ABCC10: variants seen among roughly 807,000 people sequenced by gnomAD.
The protein encoded by ABCC10 is ATP-binding cassette sub-family C member 10.
Under a neutral mutation model 143.2 loss-of-function variants are expected in ABCC10, and 110 were observed. The ratio of observed to expected loss-of-function variants is 0.77; its 90% confidence interval spans 0.66 to 0.90. ABCC10 has a LOEUF of 0.90. Among genes scored for constraint, ABCC10 ranks in the 40% least tolerant of loss-of-function variants. ABCC10 has a pLI of 0.00. For missense variants in ABCC10, 1,700 were observed against 1,900.5 expected (o/e 0.89, Z 1.96); for synonymous variants, 805 against 846.7 (o/e 0.95, Z 0.85).
chr6:43,434,717 C>T lies in ABCC10; in HGVS notation c.1477C>T (p.Leu493=). 35 of 1,614,178 alleles carry T rather than the reference C, an allele frequency of 2.2e-5. No homozygotes were observed. Among genetic ancestry groups the T allele is most frequent in the Non-Finnish European group, 2.9e-5 (34 of 1,180,024 alleles). The part of the protein sequence containing the change: ...ARVEACRARE[L]GRLRVIKYLD... ...AGTAGAGGCCTGCCGGGCTCGAGAG[C>T]TGGGGCGACTCCGGGTCATCAAATA... The change falls in exon 4 of 22, where the codon CTG becomes TTG. Residue 493 remains leucine (L), a synonymous_variant. Transcript: ENST00000372530.
intron 17 of ABCC10, 77 bp from the exon 18 acceptor site, chr6:43,447,607 T>G: frequency 6.3e-7 from 1 of 1,585,852 alleles, no homozygotes; most frequent in South Asian, 1.2e-5. Context: ...TTCTCATTAT[T>G]CTCCCCTCCT....
In ABCC10 at chr6:43,427,955, A is replaced by G. The variant is rs1242068283; in HGVS notation, c.-11-13A>G. The G allele has an allele frequency of 6.2e-7, 1 of 1,611,794 alleles. No individual in the cohort carries two copies. ...TTACCCTGCACAGCCGTCACCCTCA[A>G]CTTTCCCTTCAGGTGAGGCGTCCAT... On this transcript the variant is annotated splice_polypyrimidine_tract_variant and intron_variant, in intron 1 of 21. Coordinates refer to ENST00000372530, the MANE Select transcript of ABCC10 (RefSeq NM_001198934.2).
chr6:43,443,715 G>T lies in ABCC10; in HGVS notation c.2417-218G>T, dbSNP rs1039643934. 1.3e-5 allele frequency: 7 copies of T among 540,740 alleles called. No individual in the cohort carries two copies. Among genetic ancestry groups the T allele is most frequent in the Middle Eastern group, 5.0e-4 (1 of 1,988 alleles). The allele number at this position is 540,740 out of a possible 1,614,324, so 33.5% of individuals were successfully genotyped here. On this transcript the variant is annotated intron_variant, in intron 10 of 21. Coordinates refer to ENST00000372530, the MANE Select transcript of ABCC10 (RefSeq NM_001198934.2). The surrounding 1 kb of genome is among the most constrained non-coding windows in gnomAD (Gnocchi z 4.2). ...TGCTGGTCGGAATCAAGGTTTACAA[G>T]GATGGACTTGAGTCCTGCTCGAGGT...
At chr6:43,434,581 T>C in intron 3 of ABCC10, 40 bp from the exon 4 acceptor site, 1 of 1,570,478 alleles carries the variant, frequency 6.4e-7, no homozygotes, top group Non-Finnish European at 8.7e-7. Flanking sequence ...ACATGAGCAG[T>C]GCCTCCACTT....
chr6:43,446,584 A>G (rs985677847), intron 16 of ABCC10, 138 bp downstream of exon 16: 332 of 1,427,948 alleles, frequency 2.3e-4, no homozygotes, highest in Non-Finnish European at 2.9e-4. Flanking sequence ...GATTATCATC[A>G]TCACCCCCGT....
In ABCC10 at chr6:43,436,227, A is replaced by C. The variant is rs1174620679; in HGVS notation, c.1855A>C (p.Ser619Arg). Residue 619 changes from serine (S) to arginine (R), a missense_variant, in exon 6 of 22, where the codon AGT becomes CGT. Coordinates refer to ENST00000372530, the MANE Select transcript of ABCC10 (RefSeq NM_001198934.2). ...PVGTSLETFI[S>R]HLEVKKGMLV... The stretch of plus-strand genomic sequence containing the variant: ...TGGAACCAGCCTGGAGACCTTCATC[A>C]GTCATCTCGAAGTGAAAAAGGTTTG... 2 of 1,613,908 alleles carry C rather than the reference A, an allele frequency of 1.2e-6. No individual in the cohort carries two copies. Among genetic ancestry groups the C allele is most frequent in the African/African-American group, 2.7e-5 (2 of 74,916 alleles).
In ABCC10 at chr6:43,443,330, A is replaced by G. The variant is rs1782686414; in HGVS notation, c.2416+171A>G. The G allele has an allele frequency of 2.1e-5, 14 of 677,464 alleles. No homozygotes were observed. Among genetic ancestry groups the G allele is most frequent in the Non-Finnish European group, 3.2e-5 (14 of 433,322 alleles). The allele number at this position is 677,464 out of a possible 1,614,324, so 42.0% of individuals were successfully genotyped here. On this transcript the variant is annotated intron_variant, in intron 10 of 21. Coordinates refer to ENST00000372530, the MANE Select transcript of ABCC10 (RefSeq NM_001198934.2). This position sits in a 1 kb window ranked among gnomAD's most constrained non-coding sequence, Gnocchi z 4.2. The stretch of plus-strand genomic sequence containing the variant: ...TGGGAGAACAGGAGGGAAAAGGAGT[A>G]CGTTGGTAAAATGCCAGTGTATTTG...
intron 6 of ABCC10, among the ~76,000 whole-genome samples, chr6:43,436,516 C>G (rs548927841): frequency 5.3e-5 from 8 of 152,268 alleles, no homozygotes; most frequent in African/African-American, 1.9e-4. Context: ...CTCCATGTCC[C>G]TCAGAAGCTG....
At chr6:43,440,050 G>A (rs959881987) in intron 8 of ABCC10, among the ~76,000 whole-genome samples, 5 of 152,042 alleles carry the variant, frequency 3.3e-5, no homozygotes, top group Admixed American at 3.3e-4. Context: ...TTTGCCGCTC[G>A]GGTTCAAGTA....
chr6:43,434,523 G>A, intron 3 of ABCC10, 98 bp from the exon 4 acceptor site: 1 of 1,109,518 alleles, frequency 9.0e-7, no homozygotes, highest in Admixed American at 1.9e-5. Flanking sequence ...GGAGCTTAGA[G>A]TACTGAACAT....
At position 43,444,841 on chromosome 6, in the gene ABCC10, GCTGAGAATAGCTCCCAGGAGGCGCAACC is replaced by G; in HGVS notation, c.2746_2773del (p.Glu916ProfsTer53). 1.2e-6 allele frequency: 2 copies of G among 1,613,798 alleles called. No homozygotes were observed. Among genetic ancestry groups the G allele is most frequent in the Non-Finnish European group, 1.7e-6 (2 of 1,179,818 alleles). ...CTCCCACTGGATCTCTCAGCTGAAG[GCTGAGAATAGCTCCCAGGAGGCGCAACC>G]CTCCACCAGCCCAGCTTCTATGGGG... On this transcript the variant is annotated frameshift_variant, in exon 13 of 22. Transcript: ENST00000372530. LOFTEE classifies it high-confidence loss of function.
chr6:43,441,789 C>T, intron 8 of ABCC10, 73 bp from the exon 9 acceptor site: 1 of 1,279,478 alleles, frequency 7.8e-7, no homozygotes, highest in East Asian at 2.4e-5. Flanking sequence ...CCCACTATCT[C>T]CTGCAAAGGG....
At chr6:43,448,413 G>A (rs533788356) in intron 18 of ABCC10, among the ~76,000 whole-genome samples, 1 of 152,294 alleles carries the variant, frequency 6.6e-6, no homozygotes, top group South Asian at 2.1e-4. Flanking sequence ...TAAAGCCCTA[G>A]GCCTGCCTCT....
intron 8 of ABCC10, 44 bp downstream of exon 8, chr6:43,438,839 G>T: frequency 6.2e-7 from 1 of 1,606,864 alleles, no homozygotes; most frequent in South Asian, 1.1e-5. Flanking sequence ...TGTTTCTCCA[G>T]TGTCCCTGAC....
intron 8 of ABCC10, among the ~76,000 whole-genome samples, chr6:43,440,017 A>C (rs993438438): frequency 1.3e-5 from 2 of 151,320 alleles, no homozygotes; most frequent in African/African-American, 2.4e-5. Flanking sequence ...AGTGCAGTGG[A>C]ATGATCTCGG....
rs1581774325 is a variant in ABCC10, at chr6:43,444,917, T to A, written c.2819T>A (p.Leu940His). 1.2e-6 allele frequency: 2 copies of A among 1,613,224 alleles called. No individual in the cohort carries two copies. Among genetic ancestry groups the A allele is most frequent in the South Asian group, 2.2e-5 (2 of 90,974 alleles). The change falls in exon 13 of 22, where the codon CTC (leucine) becomes CAC (histidine). Residue 940 changes from leucine to histidine, a missense_variant. By Grantham distance (99) the Leu-to-His change is moderately conservative. Coordinates refer to ENST00000372530, the MANE Select transcript of ABCC10 (RefSeq NM_001198934.2). ...GGGCTCTTCTCTCCGCAGCTGCTCC[T>A]CTTTTCCCCTGGAAACCTCTAGTGA... ...SMGLFSPQLL[L>H]FSPGNLYIPV...
chr6:43,436,136 A>G lies in ABCC10; in HGVS notation c.1766-2A>G. 6.2e-7 allele frequency: 1 copy of G among 1,614,222 alleles called. No individual in the cohort carries two copies. Among genetic ancestry groups the G allele is most frequent in the Non-Finnish European group, 8.5e-7 (1 of 1,180,024 alleles). ...CCCAAATCAAGTGGCTTCTCTGTTC[A>G]GATCCCCCTGCAGAGCCATCTACAG... On this transcript the variant is annotated splice_acceptor_variant, in intron 5 of 21. Coordinates refer to ENST00000372530, the MANE Select transcript of ABCC10 (RefSeq NM_001198934.2). LOFTEE classifies it high-confidence loss of function.
intron 17 of ABCC10, 112 bp downstream of exon 17, chr6:43,447,520 CT>C: frequency 6.4e-7 from 1 of 1,554,218 alleles, no homozygotes; most frequent in Non-Finnish European, 8.7e-7. Flanking sequence ...CATAACCTCT[CT>C]TCATGATGAC....
In ABCC10 at chr6:43,444,262, C is replaced by T. The variant is rs748097420; in HGVS notation, c.2598C>T (p.Gly866=). ...RLLQEESKKE[G]AVALHVYQAY... is the part of the protein sequence containing the mutation. ...TGCAGGAAGAAAGCAAGAAGGAGGG[C>T]GCCGTGGCCTTGCACGTGTACCAAG... Residue 866 remains glycine (G), a synonymous_variant, in exon 12 of 22, where the codon GGC becomes GGT. Transcript: ENST00000372530. 28 of 1,614,028 alleles carry T rather than the reference C, an allele frequency of 1.7e-5. No individual in the cohort carries two copies. The highest frequency in any genetic ancestry group is 1.6e-4 in the Middle Eastern group (1 of 6,084).
Sources: allele counts gnomAD v4.1 joint callset (sites outside exome capture counted in the v4.1 genomes callset), GRCh38; gene constraint gnomAD v4.1.1; non-coding constraint Gnocchi (gnomAD v3.1); transcripts MANE v1.5; gene names NCBI Gene and HGNC (gene_info 2026-07-23, HGNC 2026-07-21).